Variants in ELP3 observed in about 807,000 individuals in gnomAD.
The protein encoded by ELP3 is elongator complex protein 3.
Under a neutral mutation model 74.9 loss-of-function variants are expected in ELP3, and 56 were observed. That is an observed-to-expected ratio of 0.75 (90% confidence interval 0.60 to 0.93). ELP3 has a LOEUF of 0.93. ELP3 is among the 40% of genes least tolerant of loss of function. ELP3 has a pLI of 0.00. For missense variants in ELP3, 573 were observed against 686.5 expected, an observed-to-expected ratio of 0.83 and a Z score of 1.85; for synonymous variants, 222 against 239.8, an observed-to-expected ratio of 0.93 and a Z score of 0.68.
intron 7 of ELP3, among the ~76,000 whole-genome samples, chr8:28,121,109 C>A (rs1178651035): frequency 6.6e-6 from 1 of 152,010 alleles, no homozygotes; most frequent in Non-Finnish European, 1.5e-5. Flanking sequence ...AACTATAGAA[C>A]AAATGGAAAG....
At chr8:28,157,107 G>A (rs936246905) in intron 11 of ELP3, among the ~76,000 whole-genome samples, 7 of 152,068 alleles carry the variant, frequency 4.6e-5, no homozygotes, top group African/African-American at 9.7e-5. Flanking sequence ...CAACAATCTC[G>A]TTATCCATCC....
At chr8:28,104,606 T>C (rs967741201) in intron 3 of ELP3, among the ~76,000 whole-genome samples, 1 of 152,224 alleles carries the variant, frequency 6.6e-6, no homozygotes, top group Non-Finnish European at 1.5e-5. Flanking sequence ...GGCAAGTTAT[T>C]TTGTAGCACG....
chr8:28,160,091 A>G, intron 12 of ELP3, 138 bp from the exon 13 acceptor site: 3 of 755,772 alleles, frequency 4.0e-6, no homozygotes, highest in Non-Finnish European at 6.3e-6. Flanking sequence ...AGAGTAGACA[A>G]GTAAAAAGAA....
At chr8:28,124,889 G>A (rs1460192513) in intron 7 of ELP3, among the ~76,000 whole-genome samples, 3 of 152,254 alleles carry the variant, frequency 2.0e-5, no homozygotes, top group South Asian at 2.1e-4. Context: ...TGTGTTGGGC[G>A]TGGTTAATTT....
At chr8:28,161,102 C>T (rs981150038) in intron 13 of ELP3, among the ~76,000 whole-genome samples, 13 of 152,208 alleles carry the variant, frequency 8.5e-5, no homozygotes, top group Admixed American at 8.5e-4. Context: ...ACTTATGAAA[C>T]ACTTCCTAAG....
chr8:28,107,419 C>T (rs991252863), intron 4 of ELP3, among the ~76,000 whole-genome samples: 3 of 152,040 alleles, frequency 2.0e-5, no homozygotes, highest in Non-Finnish European at 4.4e-5. Context: ...GCCTAAATTC[C>T]ACGTCAGAAA....
chr8:28,189,640 T>C lies in ELP3; in HGVS notation c.1568-9T>C, dbSNP rs1585772801. 1.2e-6 allele frequency: 2 copies of C among 1,614,064 alleles called. No homozygotes were observed. The highest frequency in any genetic ancestry group is 1.7e-6 in the Non-Finnish European group (2 of 1,179,936). ...GAATGCTCCTTTTTTAACTTCGATTTTTCTGCAGGGGTCGGCACCAGGAAT... is the reference window on the plus strand; with the variant it reads ...GAATGCTCCTTTTTTAACTTCGATTCTTCTGCAGGGGTCGGCACCAGGAAT... On this transcript the variant is annotated splice_polypyrimidine_tract_variant and intron_variant, in intron 14 of 14. Coordinates refer to ENST00000256398, the MANE Select transcript of ELP3 (RefSeq NM_018091.6).
chr8:28,109,030 G>A (rs972784002), intron 5 of ELP3, among the ~76,000 whole-genome samples: 3 of 152,064 alleles, frequency 2.0e-5, no homozygotes, highest in Non-Finnish European at 4.4e-5. Context: ...TGGGGGTGTT[G>A]TGCAGTGCAG....
At chr8:28,189,064 CCCAGCAAA>C (rs1178226006) in intron 14 of ELP3, among the ~76,000 whole-genome samples, 2 of 152,226 alleles carry the variant, frequency 1.3e-5, no homozygotes, top group African/African-American at 4.8e-5. Flanking sequence ...CCAGGGCCAT[CCCAGCAAA>C]GCTGCTTCTT....
Position 28,107,972 on chromosome 8 carries a change from A to G in ELP3, c.389A>G (p.Tyr130Cys), listed in dbSNP as rs201540756. 22 of 1,613,158 alleles carry G rather than the reference A, an allele frequency of 1.4e-5. No individual in the cohort carries two copies. Among genetic ancestry groups the G allele is most frequent in the Non-Finnish European group, 1.6e-5 (19 of 1,179,440 alleles). Residue 130 changes from tyrosine (Y) to cysteine (C), a missense_variant, in exon 5 of 15, where the codon TAT (tyrosine) becomes TGT (cysteine). Physicochemically the swap from Tyr to Cys is radical, Grantham distance 194 (BLOSUM62 -2). Coordinates refer to ENST00000256398, the MANE Select transcript of ELP3 (RefSeq NM_018091.6). ...FEYSTQSYTG[Y>C]EPTSMRAIRA... ...TATTCCACCCAGTCTTACACTGGCT[A>G]TGAGGTACAGTAACTTTGAGGCTGT...
At chr8:28,181,242 A>C (rs1423008518) in intron 14 of ELP3, among the ~76,000 whole-genome samples, 1 of 152,184 alleles carries the variant, frequency 6.6e-6, no homozygotes, top group African/African-American at 2.4e-5. Context: ...TCATCTGTTC[A>C]CTAAGCTTAA....
At chr8:28,172,264 A>C (rs542941357) in intron 14 of ELP3, among the ~76,000 whole-genome samples, 1 of 152,254 alleles carries the variant, frequency 6.6e-6, no homozygotes, top group South Asian at 2.1e-4. Context: ...AACAATGTTA[A>C]GTCTTCCAGG....
intron 14 of ELP3, among the ~76,000 whole-genome samples, chr8:28,172,547 T>C (rs1162110382): frequency 6.6e-6 from 1 of 152,098 alleles, no homozygotes; most frequent in Admixed American, 6.5e-5. Context: ...ATTGTATGTG[T>C]GTGGATTCTT....
chr8:28,143,097 A>T (rs1267605868), intron 10 of ELP3, among the ~76,000 whole-genome samples: 1 of 152,142 alleles, frequency 6.6e-6, no homozygotes, highest in Admixed American at 6.5e-5. Flanking sequence ...ATTCAGATTT[A>T]TTTTATATTG....
upstream of ELP3, among the ~76,000 whole-genome samples, chr8:28,091,595 G>A (rs549921606): frequency 2.4e-4 from 36 of 152,250 alleles, no homozygotes; most frequent in African/African-American, 7.5e-4. Flanking sequence ...TTATTAATGG[G>A]AGAGGTTCTT....
Position 28,133,310 on chromosome 8 carries a change from A to G in ELP3, c.906+906A>G, listed in dbSNP as rs1036648910. 2.6e-5 allele frequency among the ~76,000 whole-genome samples: 4 copies of G among 152,068 alleles called. 1 individual carries two copies. The highest frequency in any genetic ancestry group is 2.6e-4 in the Admixed American group (4 of 15,274). ...AAGAATATTTTTAGTATTAGTTTAT[A>G]TGAATTTTTTAGGTAAGGAGATTAT... is the stretch of plus-strand genomic sequence containing the variant. On this transcript the variant is annotated intron_variant, in intron 9 of 14. Coordinates refer to ENST00000256398, the MANE Select transcript of ELP3 (RefSeq NM_018091.6).
Position 28,097,281 on chromosome 8 carries a change from G to A in ELP3, c.82G>A (p.Glu28Lys), listed in dbSNP as rs1251705322. The change falls in exon 2 of 15, where the codon GAA becomes AAA. Residue 28 changes from glutamate (E) to lysine (K), a missense_variant. Coordinates refer to ENST00000256398, the MANE Select transcript of ELP3 (RefSeq NM_018091.6). Reference sequence around the variant, plus strand: ...AGGAGATGTTATTAAACAACTGATTGAAGCCCACGAGCAGGGGAAAGACAT... The same window carrying A: ...AGGAGATGTTATTAAACAACTGATTAAAGCCCACGAGCAGGGGAAAGACAT... ...TIGDVIKQLIEAHEQGKDIDL... is the reference protein window; with the variant it reads ...TIGDVIKQLIKAHEQGKDIDL... 3 of 1,613,980 alleles carry A rather than the reference G, an allele frequency of 1.9e-6. No homozygotes were observed. The South Asian group carries it at 3.3e-5, about 18-fold the overall frequency.
intron 14 of ELP3, chr8:28,183,202 G>A (rs1815090063): frequency 4.3e-6 from 2 of 461,456 alleles, no homozygotes; most frequent in Non-Finnish European, 8.7e-6. Flanking sequence ...AGGGGTGGAT[G>A]TCCTGGGGCA....
intron 7 of ELP3, among the ~76,000 whole-genome samples, chr8:28,120,898 A>G (rs994310845): frequency 3.3e-5 from 5 of 152,168 alleles, no homozygotes; most frequent in Admixed American, 1.3e-4. Context: ...CTGTTTTTCA[A>G]TCCTTATGCC....
Sources: allele counts gnomAD v4.1 joint callset (sites outside exome capture counted in the v4.1 genomes callset), GRCh38; gene constraint gnomAD v4.1.1; transcripts MANE v1.5; gene names NCBI Gene and HGNC (gene_info 2026-07-23, HGNC 2026-07-21).